SLC24A2: variants seen among roughly 807,000 people sequenced by gnomAD.
SLC24A2 encodes sodium/potassium/calcium exchanger 2.
A neutral mutation model predicts 62.0 loss-of-function variants in SLC24A2; 36 were observed. The observed-to-expected ratio is 0.58, with a 90% CI of 0.44 to 0.77. SLC24A2 has a LOEUF of 0.77. Among genes scored for constraint, SLC24A2 ranks in the 30% least tolerant of loss-of-function variants. SLC24A2 has a pLI of 0.00. For missense variants in SLC24A2, 846 were observed against 817.9 expected (o/e 1.03, Z -0.42); for synonymous variants, 358 against 294.0 (o/e 1.22, Z -2.23).
the SLC24A2 span, among the ~76,000 whole-genome samples, chr9:19,903,498 C>T: frequency 6.6e-6 from 1 of 152,182 alleles, no homozygotes; most frequent in Non-Finnish European, 1.5e-5. Context: ...AAAACACAAA[C>T]ATGCAGTCCA....
chr9:20,068,057 CTTTTTTTTTTT>C, the SLC24A2 span, among the ~76,000 whole-genome samples: 1 of 89,742 alleles, frequency 1.1e-5, no homozygotes, highest in Non-Finnish European at 2.1e-5. Context: ...TTTTTTGACT[CTTTTTTTTTTT>C]TTTTTTTTTT....
At chr9:20,177,716 A>G in the SLC24A2 span, among the ~76,000 whole-genome samples, 2 of 152,154 alleles carry the variant, frequency 1.3e-5, no homozygotes, top group Non-Finnish European at 2.9e-5. Context: ...ATAGATTCTA[A>G]AATATAAAGA....
At chr9:20,156,775 A>T in the SLC24A2 span, among the ~76,000 whole-genome samples, 8 of 151,898 alleles carry the variant, frequency 5.3e-5, no homozygotes, top group South Asian at 1.5e-3. Context: ...GCACCCTTGC[A>T]CTGTTCTTGT....
intron 3 of SLC24A2, among the ~76,000 whole-genome samples, chr9:19,620,639 G>A (rs1371485346): frequency 1.3e-5 from 2 of 152,276 alleles, no homozygotes; most frequent in East Asian, 1.9e-4. Flanking sequence ...TCTGTATTTT[G>A]ATGGGTTTTT....
At chr9:19,940,988 AATAACG>A in the SLC24A2 span, among the ~76,000 whole-genome samples, 5 of 152,390 alleles carry the variant, frequency 3.3e-5, 1 homozygote, top group Admixed American at 1.3e-4. Flanking sequence ...TGTTCTGGTC[AATAACG>A]CAGGCCACAG....
At chr9:20,176,631 A>C in the SLC24A2 span, among the ~76,000 whole-genome samples, 1 of 152,232 alleles carries the variant, frequency 6.6e-6, no homozygotes, top group East Asian at 1.9e-4. Flanking sequence ...ATGAAGATGC[A>C]TAAGTTTTAT....
the SLC24A2 span, among the ~76,000 whole-genome samples, chr9:20,110,609 T>C: frequency 1.3e-5 from 2 of 152,104 alleles, no homozygotes; most frequent in Middle Eastern, 3.2e-3. Context: ...CCACCCAGAG[T>C]CAGTAAAAGT....
At chr9:19,724,525 T>C (rs1821116080) in intron 2 of SLC24A2, among the ~76,000 whole-genome samples, 1 of 152,116 alleles carries the variant, frequency 6.6e-6, no homozygotes. Context: ...GGAGTGTGGG[T>C]AGAGGTTGGG....
the SLC24A2 span, among the ~76,000 whole-genome samples, chr9:19,970,555 G>GA: frequency 6.6e-6 from 1 of 152,138 alleles, no homozygotes; most frequent in Non-Finnish European, 1.5e-5. Flanking sequence ...AGTTTTATGA[G>GA]AAAAGCATTA....
the SLC24A2 span, among the ~76,000 whole-genome samples, chr9:20,026,356 T>C: frequency 1.3e-5 from 2 of 152,178 alleles, no homozygotes; most frequent in Non-Finnish European, 2.9e-5. Context: ...AATAAGACAA[T>C]GATCATAAAA....
intron 4 of SLC24A2, among the ~76,000 whole-genome samples, chr9:19,602,101 G>A (rs1836857543): frequency 6.6e-6 from 1 of 152,154 alleles, no homozygotes; most frequent in Non-Finnish European, 1.5e-5. Context: ...AATAGATATG[G>A]GTTCTAATCC....
the SLC24A2 span, among the ~76,000 whole-genome samples, chr9:20,297,789 A>G: frequency 6.6e-6 from 1 of 152,244 alleles, no homozygotes; most frequent in African/African-American, 2.4e-5. Context: ...TTTAGGTTAC[A>G]GACAGTGCTG....
the SLC24A2 span, among the ~76,000 whole-genome samples, chr9:20,241,872 C>T: frequency 6.6e-6 from 1 of 152,290 alleles, no homozygotes; most frequent in Non-Finnish European, 1.5e-5. Flanking sequence ...AAAAACATGG[C>T]TGCAACATCA....
At chr9:20,102,693 A>AG in the SLC24A2 span, among the ~76,000 whole-genome samples, 1 of 151,922 alleles carries the variant, frequency 6.6e-6, no homozygotes, top group Non-Finnish European at 1.5e-5. Context: ...AAAAAAAAAA[A>AG]GAAAATATAA....
At chr9:19,724,586 C>A (rs188224489) in intron 2 of SLC24A2, among the ~76,000 whole-genome samples, 33 of 152,264 alleles carry the variant, frequency 2.2e-4, no homozygotes, top group Admixed American at 5.2e-4. Context: ...TGATATTTTA[C>A]TTCCTTTTCA....
chr9:19,820,018 TATATATACAC>T, the SLC24A2 span, among the ~76,000 whole-genome samples: 38 of 98,276 alleles, frequency 3.9e-4, 1 homozygote, highest in African/African-American at 1.2e-3. Flanking sequence ...TGTATATATA[TATATATACAC>T]ATATATATAT....
chr9:19,522,396 T>C lies in SLC24A2; in HGVS notation c.1570-1336A>G, dbSNP rs982897416. Reference sequence around the variant, plus strand: ...TGCTTTCCATCTGGTTTCCAACAGGTTACCTGATGATGTCCAGCATTTTTT... The same window carrying C: ...TGCTTTCCATCTGGTTTCCAACAGGCTACCTGATGATGTCCAGCATTTTTT... On this transcript the variant is annotated intron_variant, in intron 9 of 10. Coordinates refer to ENST00000341998, the MANE Select transcript of SLC24A2 (RefSeq NM_020344.4). 9.8e-5 allele frequency among the ~76,000 whole-genome samples: 15 copies of C among 152,286 alleles called. 1 individual carries two copies. The highest frequency in any genetic ancestry group is 3.4e-4 in the African/African-American group (14 of 41,550).
chr9:19,517,863 T>C (rs1833002510), intron 10 of SLC24A2, among the ~76,000 whole-genome samples: 1 of 150,924 alleles, frequency 6.6e-6, no homozygotes, highest in African/African-American at 2.4e-5. Context: ...GAAACTCTTT[T>C]CCCATCCCTT....
At chr9:19,652,759 C>T (rs1397108799) in intron 2 of SLC24A2, among the ~76,000 whole-genome samples, 4 of 152,166 alleles carry the variant, frequency 2.6e-5, no homozygotes, top group Non-Finnish European at 4.4e-5. Context: ...TTCAGATCCT[C>T]GTGCCTATTC....
Sources: allele counts gnomAD v4.1 joint callset (sites outside exome capture counted in the v4.1 genomes callset), GRCh38; gene constraint gnomAD v4.1.1; transcripts MANE v1.5; gene names NCBI Gene and HGNC (gene_info 2026-07-23, HGNC 2026-07-21).